FASN: variants seen among roughly 807,000 people sequenced by gnomAD.
FASN encodes the protein fatty acid synthase, also known as 3-hydroxyacyl-[acyl-carrier-protein] dehydratase.
In FASN, 50 loss-of-function variants were observed where a neutral mutation model predicts 250.0. The ratio of observed to expected loss-of-function variants is 0.20; its 90% CI spans 0.16 to 0.25. FASN has a LOEUF of 0.25. Among genes scored for constraint, FASN ranks in the 10% least tolerant of loss-of-function variants. The pLI is 1.00. For synonymous variants in FASN, 1,909 were observed against 1,584.0 expected, an observed-to-expected ratio of 1.21 and a Z score of -4.87; for missense variants, 3,031 against 3,498.5, an observed-to-expected ratio of 0.87 and a Z score of 3.37.
In FASN at chr17:82,085,511, G is replaced by C. The variant is rs747467688; in HGVS notation, c.4093C>G (p.Pro1365Ala). The C allele has an allele frequency of 1.3e-6, 2 of 1,595,294 alleles. No individual in the cohort carries two copies. Residue 1365 changes from proline to alanine, a missense_variant, in exon 23 of 43, where the codon CCG becomes GCG. Physicochemically the swap from Pro to Ala is conservative, Grantham distance 27. Transcript: ENST00000306749. ...CTCAGGATGCCCTGGCCATACTGCGGCTCAGTGGAGGTGAGGAAGGCCACG... is the reference window on the plus strand; with the variant it reads ...CTCAGGATGCCCTGGCCATACTGCGCCTCAGTGGAGGTGAGGAAGGCCACG... ...DIVAFLTSTE[P>A]QYGQGILSQD...
chr17:82,093,164 G>C lies in FASN; in HGVS notation c.655+55C>G, dbSNP rs2144807450. 1.9e-6 allele frequency: 3 copies of C among 1,538,932 alleles called. No individual in the cohort carries two copies. The South Asian group carries it at 3.6e-5, about 18-fold the overall frequency. ...CCTGCTCAGCGTGGGGACTGTGCGG[G>C]GGGCCGTCCTGTGCCACTGTCCCGC... On this transcript the variant is annotated intron_variant, in intron 5 of 42. Coordinates refer to ENST00000306749, the MANE Select transcript of FASN (RefSeq NM_004104.5).
At chr17:82,082,720 G>A (rs375976042) in intron 33 of FASN, 42 bp from the exon 34 acceptor site, 133 of 1,601,438 alleles carry the variant, frequency 8.3e-5, no homozygotes, top group African/African-American at 8.3e-4. Flanking sequence ...GCCAGGGTAC[G>A]GTCTCTTCCC....
rs1379590616 is a variant in FASN, at chr17:82,096,299, G to A, written c.127+20C>T. On this transcript the variant is annotated intron_variant, in intron 2 of 42. Transcript: ENST00000306749. ...ATGGAGCTTCACACCCCAGGCACGGGGAGCCCCGCAGCCACATACCCGCCT... is the reference window on the plus strand; with the variant it reads ...ATGGAGCTTCACACCCCAGGCACGGAGAGCCCCGCAGCCACATACCCGCCT... The A allele has an allele frequency of 1.2e-6, 2 of 1,611,080 alleles. No homozygotes were observed. Among genetic ancestry groups the A allele is most frequent in the Admixed American group, 3.3e-5 (2 of 60,014 alleles).
chr17:82,092,918 T>A lies in FASN; in HGVS notation c.757A>T (p.Thr253Ser), dbSNP rs1212246544. Residue 253 changes from threonine to serine, a missense_variant, in exon 6 of 43, where the codon ACA becomes TCA. Thr to Ser is a moderately conservative substitution (Grantham distance 58). Transcript: ENST00000306749. ...CCACCTTGCTCCTTGAAGCCATCTG[T>A]ATTGGTGCCGGCGTTCAGGATGGTG... is the stretch of plus-strand genomic sequence containing the variant. ...YATILNAGTNTDGFKEQGVTF... is the reference protein window; with the variant it reads ...YATILNAGTNSDGFKEQGVTF... The A allele has an allele frequency of 3.7e-6, 6 of 1,605,324 alleles. No homozygotes were observed. Among genetic ancestry groups the A allele is most frequent in the Non-Finnish European group, 5.1e-6 (6 of 1,176,678 alleles).
rs1384986336 is a variant in FASN, at chr17:82,081,859, C to T, written c.6164-16G>A. On this transcript the variant is annotated splice_polypyrimidine_tract_variant and intron_variant, in intron 36 of 42. Coordinates refer to ENST00000306749, the MANE Select transcript of FASN (RefSeq NM_004104.5). ...ACGGCCAGGCCTGTGGGGGAGGGGG[C>T]AGGTGGGCAGAGCTGCGGGGAGGTC... 6.3e-7 allele frequency: 1 copy of T among 1,579,840 alleles called. No individual in the cohort carries two copies.
intron 21 of FASN, 96 bp downstream of exon 21, chr17:82,086,954 G>C (rs1598578170): frequency 1.4e-6 from 2 of 1,437,704 alleles, no homozygotes; most frequent in Non-Finnish European, 1.9e-6. Flanking sequence ...ACCCCAAAGG[G>C]GGCCCCGTGG....
rs774430741 is a variant in FASN, at chr17:82,091,215, G to A, written c.1492+7C>T. The A allele has an allele frequency of 7.2e-5, 115 of 1,601,364 alleles. No individual in the cohort carries two copies. The highest frequency in any genetic ancestry group is 8.7e-5 in the Non-Finnish European group (102 of 1,176,812). On this transcript the variant is annotated splice_region_variant and intron_variant, in intron 9 of 42. Coordinates refer to ENST00000306749, the MANE Select transcript of FASN (RefSeq NM_004104.5). ...GGGACCACCTTGGGGGCAGAGTGTGGGCTCACCAGAGCAGATGAACCAGAG... is the reference window on the plus strand; with the variant it reads ...GGGACCACCTTGGGGGCAGAGTGTGAGCTCACCAGAGCAGATGAACCAGAG...
chr17:82,089,226 A>AC (rs750409250), intron 13 of FASN, 24 bp downstream of exon 13: 9 of 1,609,826 alleles, frequency 5.6e-6, no homozygotes, highest in South Asian at 2.2e-5. Context: ...CCCGCCCCGC[A>AC]CCCCCCAGGC....
chr17:82,089,381 G>A lies in FASN; in HGVS notation c.1969C>T (p.Pro657Ser). Reference protein sequence around the residue: ...DTVTISGPQAPVFEFVEQLRK... With the variant: ...DTVTISGPQASVFEFVEQLRK... ...AGCTGCTCCACGAACTCAAACACCG[G>A]GGCCTGGACATCGTGGGAGCCTGGA... The change falls in exon 13 of 43, where the codon CCG becomes TCG. Residue 657 changes from proline (P) to serine (S), a missense_variant. Pro to Ser is a moderately conservative substitution (Grantham distance 74). Transcript: ENST00000306749. The A allele has an allele frequency of 1.2e-6, 2 of 1,612,762 alleles. No homozygotes were observed. The highest frequency in any genetic ancestry group is 1.7e-6 in the Non-Finnish European group (2 of 1,179,980).
rs375098618 is a variant in FASN at position 82,091,517 on chromosome 17, G to A, written c.1197C>T (p.Asn399=). The change falls in exon 9 of 43, where the codon AAC becomes AAT. Residue 399 remains asparagine (N), a synonymous_variant. Coordinates refer to ENST00000306749, the MANE Select transcript of FASN (RefSeq NM_004104.5). ...TGTTGGGCCTCAGGATGATGTGCAC[G>A]TTGGAGCCCCCGAAGCCAAAGGAGT... ...GINSFGFGGS[N]VHIILRPNTQ... 5.0e-5 allele frequency: 80 copies of A among 1,603,528 alleles called. No homozygotes were observed. Among genetic ancestry groups the A allele is most frequent in the Non-Finnish European group, 5.9e-5 (69 of 1,176,044 alleles).
intron 37 of FASN, 92 bp from the exon 38 acceptor site, chr17:82,081,444 G>A: frequency 1.3e-6 from 2 of 1,568,488 alleles, no homozygotes; most frequent in East Asian, 2.3e-5. Flanking sequence ...CGTGGGCTGT[G>A]CATCTCCCAA....
At chr17:82,094,100 T>C (rs1373011397) in intron 3 of FASN, 7 of 445,368 alleles carry the variant, frequency 1.6e-5, no homozygotes, top group Non-Finnish European at 2.9e-5. Flanking sequence ...AGGGCAGCAT[T>C]GTCCCCAGGC....
At chr17:82,090,179 C>T (rs1308035431) in intron 11 of FASN, among the ~76,000 whole-genome samples, 196 bp downstream of exon 11, 2 of 152,214 alleles carry the variant, frequency 1.3e-5, no homozygotes, top group Non-Finnish European at 2.9e-5. Context: ...CGTGCCTAGG[C>T]CCAAGGCTGC....
intron 10 of FASN, 137 bp from the exon 11 acceptor site, chr17:82,090,701 T>C (rs2034189331): frequency 9.6e-7 from 1 of 1,047,034 alleles, no homozygotes; most frequent in Non-Finnish European, 1.4e-6. Context: ...AAGAAGCCCC[T>C]ATGGCCCCCA....
rs1161492678 is a variant in FASN, at chr17:82,089,710, C to T, written c.1887G>A (p.Glu629=). The change falls in exon 12 of 43, where the codon GAG becomes GAA. Residue 629 remains glutamate (E), a synonymous_variant. Coordinates refer to ENST00000306749, the MANE Select transcript of FASN (RefSeq NM_004104.5). ...AMAAVGLSWE[E]CKQRCPPGVV... is the part of the protein sequence containing the mutation. ...CGCCCGGGGGGCAGCGCTGTTTACACTCCTCCCAGGACAAGCCTATGGCAG... is the reference window on the plus strand; with the variant it reads ...CGCCCGGGGGGCAGCGCTGTTTACATTCCTCCCAGGACAAGCCTATGGCAG... The T allele has an allele frequency of 1.3e-6, 2 of 1,585,232 alleles. No individual in the cohort carries two copies. Among genetic ancestry groups the T allele is most frequent in the African/African-American group, 1.3e-5 (1 of 74,382 alleles).
intron 28 of FASN, 27 bp from the exon 29 acceptor site, chr17:82,084,180 C>G (rs1328178856): frequency 6.2e-7 from 1 of 1,606,242 alleles, no homozygotes; most frequent in Non-Finnish European, 8.5e-7. Context: ...TGGGTCAGCA[C>G]AGGCCTGGCC....
intron 2 of FASN, 70 bp from the exon 3 acceptor site, chr17:82,095,542 C>T (rs2034289531): frequency 6.3e-7 from 1 of 1,582,278 alleles, no homozygotes; most frequent in Admixed American, 1.7e-5. Flanking sequence ...TGGGGTGCTG[C>T]AGGCCCCTGG....
In FASN at chr17:82,082,978, C is replaced by T. The variant is rs776274688; in HGVS notation, c.5703G>A (p.Ala1901=). The T allele has an allele frequency of 2.9e-5, 46 of 1,612,772 alleles. No individual in the cohort carries two copies. Among genetic ancestry groups the T allele is most frequent in the East Asian group, 2.4e-4 (11 of 44,900 alleles). Reference sequence around the variant, plus strand: ...GCACCCCACGCTGTATCAGCCACTGCGCCAACTCCAGGCCGAAGCCACCCA... The same window carrying T: ...GCACCCCACGCTGTATCAGCCACTGTGCCAACTCCAGGCCGAAGCCACCCA... ...GGLGGFGLEL[A]QWLIQRGVQK... The change falls in exon 33 of 43, where the codon GCG becomes GCA. Residue 1901 remains alanine, a synonymous_variant. Transcript: ENST00000306749.
At chr17:82,086,632 A>C in intron 21 of FASN, 74 bp from the exon 22 acceptor site, 2 of 1,163,396 alleles carry the variant, frequency 1.7e-6, no homozygotes, top group Non-Finnish European at 2.5e-6. Context: ...TCTCAGACCC[A>C]CTCTGTCCTT....
Sources: gnomAD v4.1 joint callset for allele counts (sites outside exome capture counted in the v4.1 genomes callset) on GRCh38, gnomAD v4.1.1 for gene constraint, MANE v1.5 for transcripts, NCBI Gene and HGNC (gene_info 2026-07-23, HGNC 2026-07-21) for gene names.